The following CFAP300 variants were observed in gnomAD, a reference collection of about 807,000 sequenced individuals.
CFAP300 encodes cilia and flagella associated protein 300.
CFAP300 carries 32 observed loss-of-function variants against 33.0 expected under a neutral mutation model. That is an observed-to-expected ratio of 0.97 (90% CI 0.73 to 1.30). The LOEUF (loss-of-function observed/expected upper bound fraction) is 1.30, where lower values mean the gene tolerates loss of function less well. CFAP300 is among the 50% of genes most tolerant of loss of function. The probability of loss-of-function intolerance (pLI) is 0.00; values close to 1 mark genes in which losing one functional copy is unlikely to be tolerated. For synonymous variants in CFAP300, 102 were observed against 106.8 expected, an observed-to-expected ratio of 0.95 and a Z score of 0.28; for missense variants, 356 against 318.1, an observed-to-expected ratio of 1.12 and a Z score of -0.90.
chr11:102,047,749 C>T, intron 1 of CFAP300, 66 bp from the exon 2 acceptor site: 4 of 1,563,508 alleles, frequency 2.6e-6, no homozygotes, highest in Non-Finnish European at 3.5e-6. Flanking sequence ...TGGGTGGGAT[C>T]GGTTATCGGT....
rs143804330 is a variant in CFAP300, at chr11:102,053,221, T to G, written c.192+5325T>G. 2.2e-3 allele frequency among the ~76,000 whole-genome samples: 322 copies of G among 145,344 alleles called. 4 individuals carry two copies. Among genetic ancestry groups the G allele is most frequent in the African/African-American group, 7.5e-3 (294 of 39,054 alleles). Reference sequence around the variant, plus strand: ...TCCAGCCTGGGCGACAGAGTGAAACTCCTTCTCAAAAAAAAATAATTAATT... The same window carrying G: ...TCCAGCCTGGGCGACAGAGTGAAACGCCTTCTCAAAAAAAAATAATTAATT... On this transcript the variant is annotated intron_variant, in intron 2 of 6. Coordinates refer to ENST00000434758, the MANE Select transcript of CFAP300 (RefSeq NM_032930.3).
intron 2 of CFAP300, among the ~76,000 whole-genome samples, chr11:102,052,506 A>G (rs1244206715): frequency 6.6e-6 from 1 of 152,218 alleles, no homozygotes; most frequent in African/African-American, 2.4e-5. Context: ...CATATATGAT[A>G]CCTTTTTGAA....
intron 6 of CFAP300, 116 bp downstream of exon 6, chr11:102,081,397 A>C (rs1307168445): frequency 1.2e-6 from 1 of 836,970 alleles, no homozygotes; most frequent in African/African-American, 1.7e-5. Flanking sequence ...AGACAATGTT[A>C]TTTAGAGTTT....
chr11:102,082,615 T>C (rs1942490365), intron 6 of CFAP300, among the ~76,000 whole-genome samples: 1 of 152,206 alleles, frequency 6.6e-6, no homozygotes, highest in Non-Finnish European at 1.5e-5. Context: ...CAATTTATTG[T>C]CAAAGATTTT....
At chr11:102,078,522 C>T (rs1216539655) in intron 5 of CFAP300, among the ~76,000 whole-genome samples, 1 of 152,006 alleles carries the variant, frequency 6.6e-6, no homozygotes, top group Non-Finnish European at 1.5e-5. Context: ...AGATATAGGA[C>T]AGATGATAAC....
At chr11:102,054,983 CTTTTT>C (rs567430596) in intron 2 of CFAP300, among the ~76,000 whole-genome samples, 7 of 144,060 alleles carry the variant, frequency 4.9e-5, no homozygotes, top group African/African-American at 1.8e-4. Flanking sequence ...GTTTGATATT[CTTTTT>C]TTTTTTTTTG....
intron 4 of CFAP300, among the ~76,000 whole-genome samples, chr11:102,071,992 C>G (rs761640112): frequency 6.6e-6 from 1 of 152,072 alleles, no homozygotes; most frequent in Non-Finnish European, 1.5e-5. Flanking sequence ...ATTTGGGGAT[C>G]TTTAAGGTTC....
intron 2 of CFAP300, among the ~76,000 whole-genome samples, chr11:102,056,075 T>TTC (rs1159905721): frequency 6.6e-6 from 1 of 152,198 alleles, no homozygotes; most frequent in East Asian, 1.9e-4. Flanking sequence ...TTAGGCCCTG[T>TTC]TCTAAGTCCT....
chr11:102,063,816 T>G (rs1942185750), intron 3 of CFAP300, among the ~76,000 whole-genome samples: 1 of 151,948 alleles, frequency 6.6e-6, no homozygotes, highest in African/African-American at 2.4e-5. Context: ...GAGACCTTGT[T>G]GAAGAAAAAA....
In CFAP300 at chr11:102,081,205, C is replaced by G; in HGVS notation, c.609-10C>G. On this transcript the variant is annotated splice_polypyrimidine_tract_variant and intron_variant, in intron 5 of 6. Transcript: ENST00000434758. Reference sequence around the variant, plus strand: ...TATATGTTAAAAGCACCTTTTCTTCCTTTTTTTAGTGTTCGAAAGAATCCT... The same window carrying G: ...TATATGTTAAAAGCACCTTTTCTTCGTTTTTTTAGTGTTCGAAAGAATCCT... The G allele has an allele frequency of 6.3e-7, 1 of 1,594,978 alleles. No individual in the cohort carries two copies. Among genetic ancestry groups the G allele is most frequent in the East Asian group, 2.2e-5 (1 of 44,652 alleles).
Position 102,047,850 on chromosome 11 carries a change from G to A in CFAP300, c.146G>A (p.Gly49Asp), listed in dbSNP as rs759681335. Residue 49 changes from glycine to aspartate, a missense_variant, in exon 2 of 7, where the codon GGC becomes GAC. By Grantham distance (94) the Gly-to-Asp change is moderately conservative (BLOSUM62 -1). Transcript: ENST00000434758. ...GGCAGAATCAAGGCGCAGGCGTTCG[G>A]CTTTGACCAGACCTTTCAGTCCTAT... The part of the protein sequence containing the change: ...MLGRIKAQAF[G>D]FDQTFQSYRK... 1 of 1,614,230 alleles carries A rather than the reference G, an allele frequency of 6.2e-7. No homozygotes were observed. Among genetic ancestry groups the A allele is most frequent in the East Asian group, 2.2e-5 (1 of 44,882 alleles).
chr11:102,077,489 G>A (rs530760809), intron 5 of CFAP300, among the ~76,000 whole-genome samples: 23 of 152,284 alleles, frequency 1.5e-4, no homozygotes, highest in African/African-American at 5.3e-4. Context: ...TCAAACAAAA[G>A]GGTAAAAATG....
chr11:102,060,477 A>G (rs982332129), intron 3 of CFAP300, among the ~76,000 whole-genome samples: 1 of 151,986 alleles, frequency 6.6e-6, no homozygotes, highest in Non-Finnish European at 1.5e-5. Flanking sequence ...AATTTTTTTT[A>G]AGAAAATTAC....
chr11:102,058,565 A>G (rs953849902), intron 2 of CFAP300, among the ~76,000 whole-genome samples: 2 of 148,834 alleles, frequency 1.3e-5, no homozygotes, highest in African/African-American at 5.0e-5. Context: ...GTTGTTACGA[A>G]GGCAATTCAA....
intron 5 of CFAP300, among the ~76,000 whole-genome samples, chr11:102,080,880 C>T (rs185681564): frequency 4.0e-4 from 61 of 152,304 alleles, no homozygotes; most frequent in Middle Eastern, 3.4e-3. Context: ...TTATCTACCC[C>T]GTATGGCTGT....
In CFAP300 at chr11:102,069,918, G is replaced by C. The variant is rs2135038720; in HGVS notation, c.435+3267G>C. On this transcript the variant is annotated intron_variant, in intron 4 of 6. Coordinates refer to ENST00000434758, the MANE Select transcript of CFAP300 (RefSeq NM_032930.3). ...GGAAGTTGAAGCTGCAGTGAGCCAA[G>C]ATGGCACCATCGCACTCCAGCCTGA... Among the ~76,000 whole-genome samples the C allele has an allele frequency of 2.0e-5, 3 of 152,310 alleles. No homozygotes were observed. In the South Asian group the frequency reaches 6.2e-4, roughly 32 times the overall value.
chr11:102,074,265 A>G (rs1164197767), intron 4 of CFAP300, among the ~76,000 whole-genome samples: 2 of 152,092 alleles, frequency 1.3e-5, no homozygotes, highest in African/African-American at 2.4e-5. Flanking sequence ...GAGCAGTGCC[A>G]TTGTGTGGTC....
Position 102,081,268 on chromosome 11 carries a change from A to C in CFAP300, c.662A>C (p.Lys221Thr), listed in dbSNP as rs1312875364. Reference sequence around the variant, plus strand: ...ATACAGATTACCTCTTCTGTCTTTAAAGTTTCAGCTTATGTAAGTGTGAGA... The same window carrying C: ...ATACAGATTACCTCTTCTGTCTTTACAGTTTCAGCTTATGTAAGTGTGAGA... ...KKIQITSSVF[K>T]VSAYDSAGMC... is the part of the protein sequence containing the mutation. Residue 221 changes from lysine (K) to threonine (T), a missense_variant, in exon 6 of 7, where the codon AAA becomes ACA. Lys to Thr is a moderately conservative substitution (Grantham distance 78, BLOSUM62 -1). Coordinates refer to ENST00000434758, the MANE Select transcript of CFAP300 (RefSeq NM_032930.3). 1.9e-6 allele frequency: 3 copies of C among 1,612,112 alleles called. No homozygotes were observed. Among genetic ancestry groups the C allele is most frequent in the Non-Finnish European group, 2.5e-6 (3 of 1,179,588 alleles).
At chr11:102,049,100 G>A (rs10895241) in intron 2 of CFAP300, among the ~76,000 whole-genome samples, 62,922 of 152,022 alleles carry the variant, frequency 0.41, 13,248 homozygotes, top group East Asian at 0.67. Flanking sequence ...AAAATAGGAG[G>A]AAATGGAGAA....
Sources: allele counts gnomAD v4.1 joint callset (sites outside exome capture counted in the v4.1 genomes callset), GRCh38; gene constraint gnomAD v4.1.1; transcripts MANE v1.5; gene names NCBI Gene and HGNC (gene_info 2026-07-23, HGNC 2026-07-21).